The following TAFA2 variants were observed in gnomAD, a reference collection of about 807,000 sequenced individuals.
TAFA2 encodes the protein TAFA chemokine like family member 2, also known as chemokine-like protein TAFA-2.
In TAFA2, 7 loss-of-function variants were observed where a neutral mutation model predicts 18.8. The ratio of observed to expected loss-of-function variants is 0.37; its 90% CI spans 0.21 to 0.70. TAFA2 has a LOEUF of 0.70. TAFA2 is among the 30% of genes least tolerant of loss of function. TAFA2 has a pLI of 0.53. For synonymous variants in TAFA2, 60 were observed against 54.2 expected, an observed-to-expected ratio of 1.11 and a Z score of -0.47; for missense variants, 122 against 158.1, an observed-to-expected ratio of 0.77 and a Z score of 1.23.
At chr12:62,146,904 T>G (rs908179298) in intron 1 of TAFA2, among the ~76,000 whole-genome samples, 29 of 152,174 alleles carry the variant, frequency 1.9e-4, no homozygotes, top group African/African-American at 7.0e-4. Context: ...AGAGAGTTAC[T>G]CCCTCTTGGT....
chr12:62,040,162 T>C (rs1881720297), intron 1 of TAFA2, among the ~76,000 whole-genome samples: 1 of 152,140 alleles, frequency 6.6e-6, no homozygotes, highest in South Asian at 2.1e-4. Context: ...TGTAAGACAG[T>C]CTGACTCCAA....
intron 1 of TAFA2, among the ~76,000 whole-genome samples, chr12:62,083,266 G>A (rs1044390499): frequency 7.3e-5 from 11 of 151,644 alleles, no homozygotes; most frequent in Non-Finnish European, 1.3e-4. Context: ...ATTTCTTTGG[G>A]TGGAAAATGC....
chr12:62,227,829 T>A (rs1565783679), intron 1 of TAFA2, among the ~76,000 whole-genome samples: 1 of 152,266 alleles, frequency 6.6e-6, no homozygotes, highest in East Asian at 1.9e-4. Flanking sequence ...CTGCTTATGG[T>A]TTGTAGTTTT....
intron 1 of TAFA2, among the ~76,000 whole-genome samples, chr12:62,243,459 T>A (rs989942512): frequency 6.6e-6 from 1 of 152,202 alleles, no homozygotes; most frequent in Non-Finnish European, 1.5e-5. Flanking sequence ...TGCAGTTGAT[T>A]ACACAAAGCA....
intron 4 of TAFA2, among the ~76,000 whole-genome samples, chr12:61,737,664 G>T (rs1029328779): frequency 2.6e-5 from 4 of 151,708 alleles, no homozygotes; most frequent in Non-Finnish European, 4.4e-5. Flanking sequence ...AAGGTTAAGT[G>T]CAATTATGCC....
intron 2 of TAFA2, among the ~76,000 whole-genome samples, chr12:61,831,864 C>T (rs1228916661): frequency 1.3e-5 from 2 of 151,980 alleles, no homozygotes; most frequent in Non-Finnish European, 2.9e-5. Context: ...CGCTACCCCA[C>T]GACAGGCCCC....
chr12:62,111,476 G>A (rs913280782), intron 1 of TAFA2, among the ~76,000 whole-genome samples: 5 of 152,162 alleles, frequency 3.3e-5, no homozygotes, highest in Non-Finnish European at 5.9e-5. Context: ...GATTTGCGGT[G>A]GAGATTTCTG....
intron 2 of TAFA2, among the ~76,000 whole-genome samples, chr12:61,771,918 A>G (rs1870044763): frequency 6.6e-6 from 1 of 151,648 alleles, no homozygotes; most frequent in Admixed American, 6.6e-5. Flanking sequence ...ACAAAAAAAA[A>G]AACAGATAAA....
chr12:61,964,162 T>C (rs1878990019), intron 1 of TAFA2, among the ~76,000 whole-genome samples: 1 of 151,982 alleles, frequency 6.6e-6, no homozygotes, highest in Non-Finnish European at 1.5e-5. Context: ...GACATAGGCA[T>C]GGGCAAAGAC....
At chr12:61,748,886 C>T (rs1868864680) in intron 4 of TAFA2, among the ~76,000 whole-genome samples, 2 of 127,896 alleles carry the variant, frequency 1.6e-5, no homozygotes, top group African/African-American at 6.3e-5. Context: ...CATTCTTATG[C>T]TATTCTATTG....
At chr12:62,219,042 C>T (rs970183308) in intron 1 of TAFA2, among the ~76,000 whole-genome samples, 17 of 151,986 alleles carry the variant, frequency 1.1e-4, no homozygotes, top group African/African-American at 4.1e-4. Flanking sequence ...TAATTACTGA[C>T]AATGAATAAC....
chr12:61,760,384 G>A (rs1250164073), intron 2 of TAFA2, among the ~76,000 whole-genome samples: 5 of 75,878 alleles, frequency 6.6e-5, no homozygotes, highest in South Asian at 4.3e-4. Flanking sequence ...ATATATATAT[G>A]CGCCAGTAAA....
intron 1 of TAFA2, among the ~76,000 whole-genome samples, chr12:62,098,914 ACAC>A (rs1869066249): frequency 6.6e-6 from 1 of 152,164 alleles, no homozygotes; most frequent in Non-Finnish European, 1.5e-5. Flanking sequence ...GCCTAATTAG[ACAC>A]CTGTGGGAAG....
intron 4 of TAFA2, among the ~76,000 whole-genome samples, chr12:61,751,269 G>A (rs1869000321): frequency 1.3e-5 from 2 of 151,982 alleles, no homozygotes; most frequent in Admixed American, 6.6e-5. Flanking sequence ...GTAGCACCAG[G>A]GAAATTTGCC....
chr12:61,790,412 GAAGA>G (rs1187351579), intron 2 of TAFA2, among the ~76,000 whole-genome samples: 2 of 151,790 alleles, frequency 1.3e-5, no homozygotes, highest in African/African-American at 4.8e-5. Flanking sequence ...AAATCAGAAA[GAAGA>G]AAGTCAAAGT....
At chr12:61,900,903 G>GTGAATAA (rs1876069684) in intron 1 of TAFA2, among the ~76,000 whole-genome samples, 1 of 152,134 alleles carries the variant, frequency 6.6e-6, no homozygotes, top group South Asian at 2.1e-4. Context: ...TTTCTGAACA[G>GTGAATAA]TGAATAATTT....
intron 1 of TAFA2, among the ~76,000 whole-genome samples, chr12:62,068,694 A>T (rs1282903677): frequency 6.6e-6 from 1 of 152,160 alleles, no homozygotes; most frequent in Non-Finnish European, 1.5e-5. Flanking sequence ...CCAATTTAGA[A>T]GATTTCTCCT....
chr12:62,136,079 A>G (rs1333642403), intron 1 of TAFA2: 2 of 152,114 alleles, frequency 1.3e-5, no homozygotes, highest in Non-Finnish European at 2.9e-5. Context: ...TTCTTCATCA[A>G]TTCATTGGCT....
chr12:62,053,397 A>G (rs1373458), intron 1 of TAFA2, among the ~76,000 whole-genome samples: 65,297 of 151,902 alleles, frequency 0.43, 14,669 homozygotes, highest in Middle Eastern at 0.58. Flanking sequence ...CTTTATGCAT[A>G]TAAAAAAAGA....
Sources: allele counts gnomAD v4.1 joint callset (sites outside exome capture counted in the v4.1 genomes callset), GRCh38; gene constraint gnomAD v4.1.1; transcripts MANE v1.5; gene names NCBI Gene and HGNC (gene_info 2026-07-23, HGNC 2026-07-21).